FAM169A: variants seen among roughly 807,000 people sequenced by gnomAD.
FAM169A encodes the protein family with sequence similarity 169 member A.
FAM169A carries 24 observed loss-of-function variants against 75.7 expected under a neutral mutation model. That is an observed-to-expected ratio of 0.32 (90% CI 0.23 to 0.45). The LOEUF is 0.45. Among genes scored for constraint, FAM169A ranks in the 20% least tolerant of loss-of-function variants. The pLI is 1.00. For missense variants in FAM169A, 673 were observed against 784.0 expected (o/e 0.86, Z 1.69); for synonymous variants, 271 against 271.0 (o/e 1.00, Z 0.00).
At chr5:74,805,524 CTT>C (rs1194674402) in intron 6 of FAM169A, among the ~76,000 whole-genome samples, 9,186 of 80,890 alleles carry the variant, frequency 0.11, 205 homozygotes, top group Middle Eastern at 0.17. Flanking sequence ...ATGTGCTTCG[CTT>C]TTTTTTTTTT....
chr5:74,825,219 C>CT (rs766727181), intron 5 of FAM169A, among the ~76,000 whole-genome samples: 39 of 152,256 alleles, frequency 2.6e-4, no homozygotes, highest in Non-Finnish European at 5.0e-4. Context: ...TCTATGAACT[C>CT]TATCTTCTTA....
At position 74,812,241 on chromosome 5, in the gene FAM169A, A is replaced by G. The variant is rs574021686; in HGVS notation, c.670+1599T>C. ...TGGGCTCAAGCAATTCTCCCACTTC[A>G]GCCCCTCAAGTAACCGGGACTACAG... On this transcript the variant is annotated intron_variant, in intron 6 of 12. Coordinates refer to ENST00000687041, the MANE Select transcript of FAM169A (RefSeq NM_001376049.1). 9.2e-5 allele frequency among the ~76,000 whole-genome samples: 14 copies of G among 151,922 alleles called. 1 individual carries two copies. In the South Asian group the frequency reaches 2.5e-3, roughly 27 times the overall value.
chr5:74,798,929 T>C, intron 10 of FAM169A: 1 of 758,992 alleles, frequency 1.3e-6, no homozygotes, highest in East Asian at 2.8e-5. Flanking sequence ...CCGTAAATCC[T>C]CTGCTCCAAG....
At chr5:74,786,891 C>T (rs973228076) in intron 11 of FAM169A, among the ~76,000 whole-genome samples, 1 of 152,134 alleles carries the variant, frequency 6.6e-6, no homozygotes, top group East Asian at 1.9e-4. Context: ...AATGGGGACA[C>T]GTGGGAGGAC....
At chr5:74,790,546 T>G (rs2112484667) in intron 11 of FAM169A, among the ~76,000 whole-genome samples, 1 of 152,356 alleles carries the variant, frequency 6.6e-6, no homozygotes, top group South Asian at 2.1e-4. Flanking sequence ...TTGTATCCCC[T>G]GTGAGTACTC....
At chr5:74,788,631 C>T (rs955714994) in intron 11 of FAM169A, among the ~76,000 whole-genome samples, 3 of 151,510 alleles carry the variant, frequency 2.0e-5, no homozygotes, top group Non-Finnish European at 2.9e-5. Flanking sequence ...CTTGAACCTA[C>T]GAGGTGGAGG....
chr5:74,839,803 C>T (rs1030445241), intron 3 of FAM169A, among the ~76,000 whole-genome samples: 7 of 152,090 alleles, frequency 4.6e-5, no homozygotes, highest in Non-Finnish European at 1.0e-4. Flanking sequence ...GGATTACAGG[C>T]ATGAGCCACC....
intron 7 of FAM169A, among the ~76,000 whole-genome samples, chr5:74,804,941 T>C (rs1342196518): frequency 1.3e-5 from 2 of 152,164 alleles, no homozygotes; most frequent in African/African-American, 4.8e-5. Context: ...GTCTCCTTGT[T>C]ACTAAGGACT....
chr5:74,831,963 C>T (rs981339145), intron 5 of FAM169A, among the ~76,000 whole-genome samples: 1 of 152,022 alleles, frequency 6.6e-6, no homozygotes, highest in Non-Finnish European at 1.5e-5. Flanking sequence ...GAATCAATTA[C>T]GTTAAGTAAA....
At chr5:74,864,152 T>C (rs1007071540) in intron 1 of FAM169A, among the ~76,000 whole-genome samples, 2 of 152,242 alleles carry the variant, frequency 1.3e-5, no homozygotes, top group Non-Finnish European at 2.9e-5. Flanking sequence ...ATAAATAGTT[T>C]AATTTAATAA....
chr5:74,799,573 C>G, intron 10 of FAM169A: 32 of 1,493,066 alleles, frequency 2.1e-5, no homozygotes, highest in Non-Finnish European at 2.9e-5. Flanking sequence ...TTTTGGGCAG[C>G]TGATGTCAGA....
chr5:74,831,235 C>G (rs1455382933), intron 5 of FAM169A, among the ~76,000 whole-genome samples: 1 of 152,116 alleles, frequency 6.6e-6, no homozygotes, highest in African/African-American at 2.4e-5. Context: ...ACACAACTTA[C>G]AAGTTAATAG....
At chr5:74,799,341 A>C in intron 10 of FAM169A, 1 of 1,608,832 alleles carries the variant, frequency 6.2e-7, no homozygotes, top group South Asian at 1.1e-5. Flanking sequence ...TGGGAAGTGA[A>C]GCACGACTCA....
intron 8 of FAM169A, among the ~76,000 whole-genome samples, chr5:74,802,221 T>A (rs545549592): frequency 6.6e-6 from 1 of 152,246 alleles, no homozygotes; most frequent in South Asian, 2.1e-4. Context: ...AACTGTCCTG[T>A]CCTTTGTACT....
intron 5 of FAM169A, among the ~76,000 whole-genome samples, chr5:74,829,714 C>T (rs1748213882): frequency 6.6e-6 from 1 of 152,146 alleles, no homozygotes; most frequent in Non-Finnish European, 1.5e-5. Flanking sequence ...TGACTCACGC[C>T]TATAATCCCA....
At chr5:74,852,787 C>G in intron 1 of FAM169A, among the ~76,000 whole-genome samples, 1 of 152,028 alleles carries the variant, frequency 6.6e-6, no homozygotes, top group South Asian at 2.1e-4. Flanking sequence ...TTAGACTTCA[C>G]TTGGTATACA....
At chr5:74,832,220 T>C (rs184027762) in intron 5 of FAM169A, among the ~76,000 whole-genome samples, 48 of 152,052 alleles carry the variant, frequency 3.2e-4, no homozygotes, top group African/African-American at 1.1e-3. Context: ...ATGAGCTCAC[T>C]ACATTAAAAT....
intron 1 of FAM169A, among the ~76,000 whole-genome samples, chr5:74,856,778 C>T (rs1295420572): frequency 8.1e-5 from 12 of 147,830 alleles, no homozygotes; most frequent in South Asian, 6.5e-4. Context: ...ACAGTATCTG[C>T]AGTGTTTTAT....
At chr5:74,853,701 A>ATTTTTTT (rs34017579) in intron 1 of FAM169A, among the ~76,000 whole-genome samples, 2 of 110,190 alleles carry the variant, frequency 1.8e-5, no homozygotes, top group Non-Finnish European at 3.5e-5. Flanking sequence ...CATCTTCAGA[A>ATTTTTTT]TTTTTTTTTT....
Sources: allele counts gnomAD v4.1 joint callset (sites outside exome capture counted in the v4.1 genomes callset), GRCh38; gene constraint gnomAD v4.1.1; transcripts MANE v1.5; gene names NCBI Gene and HGNC (gene_info 2026-07-23, HGNC 2026-07-21).